CADPS2: variants seen among roughly 807,000 people sequenced by gnomAD.
CADPS2 encodes the protein calcium dependent secretion activator 2.
A neutral mutation model predicts 172.5 loss-of-function variants in CADPS2; 93 were observed. That is an observed-to-expected ratio of 0.54 (90% CI 0.46 to 0.64). The LOEUF is 0.64. Ranked by LOEUF, CADPS2 falls within the 30% of genes least tolerant of loss-of-function variation. The probability of loss-of-function intolerance (pLI) is 0.00; values close to 1 mark genes in which losing one functional copy is unlikely to be tolerated. For synonymous variants in CADPS2, 546 were observed against 555.2 expected, an observed-to-expected ratio of 0.98 and a Z score of 0.23; for missense variants, 1,420 against 1,565.9, an observed-to-expected ratio of 0.91 and a Z score of 1.57.
chr7:122,528,121 TGG>T (rs2061429408), intron 8 of CADPS2, among the ~76,000 whole-genome samples: 1 of 32,144 alleles, frequency 3.1e-5, no homozygotes, highest in Non-Finnish European at 8.1e-5. Context: ...GTGGTGGTGG[TGG>T]TGGTGGTGGT....
At chr7:122,702,098 G>C (rs1405795183) in intron 2 of CADPS2, 2 of 1,613,404 alleles carry the variant, frequency 1.2e-6, no homozygotes, top group East Asian at 4.5e-5. Context: ...GAAAGAATTG[G>C]GCACTCTAGG....
intron 2 of CADPS2, among the ~76,000 whole-genome samples, chr7:122,705,713 T>TTA (rs1491147127): frequency 5.4e-5 from 1 of 18,564 alleles, no homozygotes; most frequent in Non-Finnish European, 1.1e-4. Flanking sequence ...ATATCATATA[T>TTA]TATATAATAT....
rs554813283 is a variant in CADPS2, at chr7:122,861,160, T to G, written c.339+24839A>C. ...ATCACATGGTAGTCCTATTTTTAAT[T>G]TTTTTGTGGGACTCCCATTCTGTTT... On this transcript the variant is annotated intron_variant, in intron 1 of 29. Coordinates refer to ENST00000449022, the MANE Select transcript of CADPS2 (RefSeq NM_017954.11). 1.7e-4 allele frequency among the ~76,000 whole-genome samples: 26 copies of G among 152,304 alleles called. No homozygotes were observed. In the South Asian group the frequency reaches 5.4e-3, roughly 32 times the overall value.
intron 2 of CADPS2, chr7:122,702,208 T>G: frequency 1.9e-6 from 3 of 1,613,726 alleles, no homozygotes; most frequent in Non-Finnish European, 2.5e-6. Flanking sequence ...GCATGTGCAT[T>G]CTCCCCACTT....
intron 1 of CADPS2, among the ~76,000 whole-genome samples, chr7:122,831,059 A>C (rs1455070125): frequency 6.6e-6 from 1 of 152,218 alleles, no homozygotes; most frequent in Admixed American, 6.5e-5. Context: ...TAGGCTACTG[A>C]AAGAGAAAGA....
At chr7:122,775,829 A>C (rs1589133044) in intron 1 of CADPS2, among the ~76,000 whole-genome samples, 1 of 152,188 alleles carries the variant, frequency 6.6e-6, no homozygotes, top group Non-Finnish European at 1.5e-5. Context: ...AATTGCATTA[A>C]GTTTCACAAC....
intron 6 of CADPS2, among the ~76,000 whole-genome samples, chr7:122,607,884 C>T (rs1285887622): frequency 6.6e-6 from 1 of 152,060 alleles, no homozygotes; most frequent in Admixed American, 6.6e-5. Context: ...GGAGAGAAAA[C>T]TTTTGTGTGG....
At chr7:122,423,769 A>C (rs564050758) in intron 17 of CADPS2, among the ~76,000 whole-genome samples, 1 of 152,352 alleles carries the variant, frequency 6.6e-6, no homozygotes, top group East Asian at 1.9e-4. Flanking sequence ...GCTTGGCATC[A>C]TTCCGAATTT....
chr7:122,761,256 T>C (rs1015538267), intron 1 of CADPS2, among the ~76,000 whole-genome samples: 1 of 152,156 alleles, frequency 6.6e-6, no homozygotes, highest in African/African-American at 2.4e-5. Flanking sequence ...AACGTTTCCA[T>C]ACACAATGTT....
chr7:122,548,280 G>C (rs1350805510), intron 8 of CADPS2, among the ~76,000 whole-genome samples: 1 of 152,012 alleles, frequency 6.6e-6, no homozygotes, highest in Admixed American at 6.6e-5. Flanking sequence ...GGCTGAGATG[G>C]GAGGGTCACT....
In CADPS2 at chr7:122,442,350, C is replaced by T. The variant is rs374093006; in HGVS notation, c.2289-775G>A. 2.2e-3 allele frequency among the ~76,000 whole-genome samples: 338 copies of T among 152,252 alleles called. 1 individual carries two copies. The highest frequency in any genetic ancestry group is 3.6e-3 in the Non-Finnish European group (248 of 68,010). On this transcript the variant is annotated intron_variant, in intron 15 of 29. Transcript: ENST00000449022. ...CATTTCATCTTTTTGGAGCTCCTTGCTTTGCTGAACCAGATTCAGCAAAGT... is the reference window on the plus strand; with the variant it reads ...CATTTCATCTTTTTGGAGCTCCTTGTTTTGCTGAACCAGATTCAGCAAAGT...
intron 7 of CADPS2, among the ~76,000 whole-genome samples, chr7:122,564,847 G>GCA (rs113078322): frequency 0.21 from 30,592 of 145,276 alleles, 3,105 homozygotes; most frequent in Middle Eastern, 0.28. Flanking sequence ...ACACACACAT[G>GCA]CACACACACA....
intron 2 of CADPS2, among the ~76,000 whole-genome samples, chr7:122,674,946 A>G (rs1431773694): frequency 2.0e-5 from 3 of 152,244 alleles, no homozygotes; most frequent in African/African-American, 7.2e-5. Flanking sequence ...GGTGTTATCA[A>G]TTCATGAAGC....
chr7:122,393,167 C>A, intron 22 of CADPS2, 29 bp downstream of exon 22: 1 of 1,609,676 alleles, frequency 6.2e-7, no homozygotes, highest in Non-Finnish European at 8.5e-7. Context: ...AGCTAACACA[C>A]CACCAGGAAA....
chr7:122,468,017 T>C (rs936766768), intron 14 of CADPS2, among the ~76,000 whole-genome samples: 4 of 152,156 alleles, frequency 2.6e-5, no homozygotes, highest in Non-Finnish European at 5.9e-5. Flanking sequence ...TTTAACTCTA[T>C]TCTTTTATTT....
chr7:122,422,940 CAG>C (rs2048706589), intron 17 of CADPS2, among the ~76,000 whole-genome samples: 1 of 152,066 alleles, frequency 6.6e-6, no homozygotes, highest in South Asian at 2.1e-4. Flanking sequence ...GTCTGGGTGA[CAG>C]AGTGAGACTC....
chr7:122,717,744 A>G (rs532823264), intron 2 of CADPS2, among the ~76,000 whole-genome samples: 1 of 152,224 alleles, frequency 6.6e-6, no homozygotes, highest in Admixed American at 6.6e-5. Flanking sequence ...GTGTAGTAAA[A>G]TTCCTGTGCA....
chr7:122,436,411 A>G, intron 17 of CADPS2: 1 of 1,249,090 alleles, frequency 8.0e-7, no homozygotes, highest in South Asian at 1.3e-5. Flanking sequence ...ATTTAGGAGA[A>G]AAGCAAACTC....
At chr7:122,355,281 T>G (rs146799724) in intron 27 of CADPS2, among the ~76,000 whole-genome samples, 2 of 152,180 alleles carry the variant, frequency 1.3e-5, no homozygotes, top group Admixed American at 1.3e-4. Flanking sequence ...AATTTATTTA[T>G]TGCTTTAAAA....
Sources: allele counts gnomAD v4.1 joint callset (sites outside exome capture counted in the v4.1 genomes callset), GRCh38; gene constraint gnomAD v4.1.1; transcripts MANE v1.5; gene names NCBI Gene and HGNC (gene_info 2026-07-23, HGNC 2026-07-21).